The following CD1B variants were observed in gnomAD, a reference collection of about 807,000 sequenced individuals.
The protein encoded by CD1B is T-cell surface glycoprotein CD1b.
Under a neutral mutation model 39.8 loss-of-function variants are expected in CD1B, and 43 were observed. The observed-to-expected ratio is 1.08, with a 90% CI of 0.85 to 1.39. The LOEUF is 1.39. Ranked by LOEUF, CD1B falls within the 40% of genes most tolerant of loss-of-function variation. The pLI is 0.00. For missense variants in CD1B, 495 were observed against 403.8 expected (o/e 1.23, Z -1.94); for synonymous variants, 192 against 152.5 (o/e 1.26, Z -1.91).
the CD1B span, among the ~76,000 whole-genome samples, chr1:158,322,427 T>G: frequency 0.048 from 7,141 of 149,876 alleles, 575 homozygotes; most frequent in African/African-American, 0.17. Flanking sequence ...GTTTTTTTTT[T>G]TTTGTGTGTG....
the CD1B span, among the ~76,000 whole-genome samples, chr1:158,295,994 ACCCT>A: frequency 1.2e-4 from 19 of 152,022 alleles, no homozygotes; most frequent in African/African-American, 4.6e-4. Flanking sequence ...GCGTGCATGT[ACCCT>A]GCCACACTAC....
In CD1B at chr1:158,330,014, A is replaced by G; in HGVS notation, c.445T>C (p.Cys149Arg). The G allele has an allele frequency of 1.2e-6, 2 of 1,614,082 alleles. No individual in the cohort carries two copies. Among genetic ancestry groups the G allele is most frequent in the South Asian group, 1.1e-5 (1 of 91,076 alleles). Residue 149 changes from cysteine to arginine, a missense_variant, in exon 3 of 6, where the codon TGT becomes CGT. Coordinates refer to ENST00000368168, the MANE Select transcript of CD1B (RefSeq NM_001764.3). The stretch of plus-strand genomic sequence containing the variant: ...CTGCCACCTTCTGGGGAAGGCACAC[A>G]TGAAGCATTCTTGACACTCAGGAAA... ...LDFLSVKNASCVPSPEGGSRA... is the reference protein window; with the variant it reads ...LDFLSVKNASRVPSPEGGSRA...
At chr1:158,304,757 G>A in the CD1B span, among the ~76,000 whole-genome samples, 8 of 152,132 alleles carry the variant, frequency 5.3e-5, no homozygotes, top group Non-Finnish European at 1.0e-4. Context: ...AGGAATAATC[G>A]GCAGCAACAT....
At chr1:158,290,560 T>C in the CD1B span, among the ~76,000 whole-genome samples, 2 of 151,690 alleles carry the variant, frequency 1.3e-5, no homozygotes, top group Non-Finnish European at 2.9e-5. Context: ...GGGAAGAGAG[T>C]AACTTTAGTT....
At chr1:158,314,793 C>T in the CD1B span, among the ~76,000 whole-genome samples, 5 of 149,998 alleles carry the variant, frequency 3.3e-5, no homozygotes, top group Non-Finnish European at 5.9e-5. Flanking sequence ...TCTCCCAATG[C>T]TATCCCTACC....
downstream of CD1B, among the ~76,000 whole-genome samples, chr1:158,326,495 C>A (rs572483378): frequency 6.6e-6 from 1 of 151,824 alleles, no homozygotes; most frequent in Non-Finnish European, 1.5e-5. Context: ...TATTTTTATT[C>A]CAATTTAATG....
the CD1B span, among the ~76,000 whole-genome samples, chr1:158,290,829 A>G: frequency 5.9e-5 from 9 of 152,246 alleles, no homozygotes; most frequent in East Asian, 1.7e-3. Context: ...GACAATGCAG[A>G]TAGTATGAAC....
At chr1:158,328,862 G>A in intron 5 of CD1B, 59 bp downstream of exon 5, 1 of 1,175,088 alleles carries the variant, frequency 8.5e-7, no homozygotes, top group Admixed American at 2.3e-5. Context: ...GTAAAAAACA[G>A]TGGAAGGGTG....
At chr1:158,292,766 A>G in the CD1B span, 1 of 1,614,088 alleles carries the variant, frequency 6.2e-7, no homozygotes, top group African/African-American at 1.3e-5. Context: ...TGCTGATGGG[A>G]CATGGTATCT....
At chr1:158,306,444 C>G in the CD1B span, among the ~76,000 whole-genome samples, 1 of 152,116 alleles carries the variant, frequency 6.6e-6, no homozygotes, top group Non-Finnish European at 1.5e-5. Context: ...TGATTAGAGG[C>G]CTAGAAAGAG....
chr1:158,302,978 A>C, the CD1B span, among the ~76,000 whole-genome samples: 1 of 152,100 alleles, frequency 6.6e-6, no homozygotes, highest in Admixed American at 6.5e-5. Flanking sequence ...GAGACACAAT[A>C]AAAAAAGAAA....
Position 158,330,961 on chromosome 1 carries a change from T to C in CD1B, c.163A>G (p.Ile55Val). The change falls in exon 2 of 6, where the codon ATT (isoleucine) becomes GTT (valine). Residue 55 changes from isoleucine (I) to valine (V), a missense_variant. Coordinates refer to ENST00000368168, the MANE Select transcript of CD1B (RefSeq NM_001764.3). The stretch of plus-strand genomic sequence containing the variant: ...CCTGAGTCGCTATCCCAGCCATGAA[T>C]CTGCAAATCATCCAACCAGCCTGAG... ...QGSGWLDDLQ[I>V]HGWDSDSGTA... 4 of 1,614,150 alleles carry C rather than the reference T, an allele frequency of 2.5e-6. No individual in the cohort carries two copies. The highest frequency in any genetic ancestry group is 3.4e-6 in the Non-Finnish European group (4 of 1,180,008).
intron 5 of CD1B, among the ~76,000 whole-genome samples, chr1:158,328,577 C>T (rs780964514): frequency 5.6e-4 from 86 of 152,240 alleles, no homozygotes; most frequent in Non-Finnish European, 9.0e-4. Context: ...GCTGTCCTAA[C>T]CAGGGCCTGG....
At chr1:158,308,530 C>G in the CD1B span, among the ~76,000 whole-genome samples, 7 of 152,268 alleles carry the variant, frequency 4.6e-5, no homozygotes, top group South Asian at 1.2e-3. Context: ...CAAGTCAATC[C>G]TAAGCCAAAA....
the CD1B span, among the ~76,000 whole-genome samples, chr1:158,300,134 T>C: frequency 3.9e-5 from 6 of 152,232 alleles, no homozygotes; most frequent in African/African-American, 1.4e-4. Flanking sequence ...GTGCTATAAA[T>C]TTCCCTCTAC....
chr1:158,295,428 G>A, the CD1B span, among the ~76,000 whole-genome samples: 3 of 152,124 alleles, frequency 2.0e-5, no homozygotes, highest in East Asian at 5.8e-4. Context: ...CTAGCTGCAG[G>A]AGACCCCCAC....
At chr1:158,310,048 A>C in the CD1B span, among the ~76,000 whole-genome samples, 1 of 152,070 alleles carries the variant, frequency 6.6e-6, no homozygotes, top group Non-Finnish European at 1.5e-5. Context: ...TGGAAGCACC[A>C]CACTATCTGA....
chr1:158,315,584 A>C, the CD1B span, among the ~76,000 whole-genome samples: 69 of 151,282 alleles, frequency 4.6e-4, no homozygotes, highest in Non-Finnish European at 1.8e-4. Context: ...TAGGTTGCAA[A>C]AATTTTCTCC....
intron 5 of CD1B, among the ~76,000 whole-genome samples, chr1:158,328,673 A>C (rs1652455815): frequency 6.6e-6 from 1 of 152,208 alleles, no homozygotes; most frequent in Non-Finnish European, 1.5e-5. Context: ...TTGCTTGCAC[A>C]ACAATGTGAA....
Sources: gnomAD v4.1 joint callset for allele counts (sites outside exome capture counted in the v4.1 genomes callset) on GRCh38, gnomAD v4.1.1 for gene constraint, MANE v1.5 for transcripts, NCBI Gene and HGNC (gene_info 2026-07-23, HGNC 2026-07-21) for gene names.